PRKG1: variants seen among roughly 807,000 people sequenced by gnomAD.
PRKG1 encodes the protein protein kinase cGMP-dependent 1, also known as cGMP-dependent protein kinase 1.
A neutral mutation model predicts 88.1 loss-of-function variants in PRKG1; 35 were observed. The observed-to-expected ratio is 0.40, with a 90% CI of 0.30 to 0.53. The LOEUF (loss-of-function observed/expected upper bound fraction) is 0.53. Ranked by LOEUF, PRKG1 falls within the 20% of genes least tolerant of loss-of-function variation. The pLI is 0.59. For missense variants in PRKG1, 540 were observed against 839.8 expected (o/e 0.64, Z 4.41); for synonymous variants, 303 against 292.5 (o/e 1.04, Z -0.37).
At chr10:52,072,369 T>G (rs754855336) in intron 7 of PRKG1, among the ~76,000 whole-genome samples, 16 of 152,024 alleles carry the variant, frequency 1.1e-4, no homozygotes, top group Admixed American at 2.0e-4. Context: ...AACAAAAAGA[T>G]GCTGTCCTCT....
intron 9 of PRKG1, among the ~76,000 whole-genome samples, chr10:52,226,026 AT>A (rs71680568): frequency 0.041 from 5,475 of 134,296 alleles, 381 homozygotes; most frequent in East Asian, 0.35. Flanking sequence ...ATGAGGGTTG[AT>A]TTTTTTTTTT....
chr10:51,698,139 T>C, intron 3 of PRKG1: 1 of 1,614,112 alleles, frequency 6.2e-7, no homozygotes, highest in Non-Finnish European at 8.5e-7. Flanking sequence ...CCACCAGTCA[T>C]AGGGCCTCTT....
At chr10:51,899,694 T>TATATATATATATATATATATATAC (rs1165503542) in intron 4 of PRKG1, among the ~76,000 whole-genome samples, 3 of 142,764 alleles carry the variant, frequency 2.1e-5, no homozygotes, top group South Asian at 2.3e-4. Context: ...TATATATATA[T>TATATATATATATATATATATATAC]ACAAATTTCT....
In PRKG1 at chr10:51,644,476, T is replaced by G. The variant is rs545849540; in HGVS notation, c.593-160109T>G. On this transcript the variant is annotated intron_variant, in intron 3 of 17. Transcript: ENST00000373980. ...AGAGAATTTATGGAATTAAATAATT[T>G]TGTATGTTTTAATTCACTTTAGTTC... 2.6e-5 allele frequency among the ~76,000 whole-genome samples: 4 copies of G among 152,316 alleles called. No homozygotes were observed. The East Asian group carries it at 7.7e-4, about 29-fold the overall frequency.
chr10:51,944,110 T>C (rs1196708289), intron 5 of PRKG1, among the ~76,000 whole-genome samples: 1 of 152,082 alleles, frequency 6.6e-6, no homozygotes, highest in Non-Finnish European at 1.5e-5. Context: ...AGTAAGCTAT[T>C]GATTATTGCC....
intron 2 of PRKG1, among the ~76,000 whole-genome samples, chr10:51,217,119 G>C (rs1838393361): frequency 6.6e-6 from 1 of 152,076 alleles, no homozygotes; most frequent in Admixed American, 6.6e-5. Flanking sequence ...GCAATAATTT[G>C]GCTGTGTATA....
chr10:51,089,678 A>G (rs1844351415), intron 1 of PRKG1, among the ~76,000 whole-genome samples: 1 of 152,208 alleles, frequency 6.6e-6, no homozygotes, highest in Non-Finnish European at 1.5e-5. Flanking sequence ...ATGCAACTAT[A>G]GATTTTGCAA....
intron 2 of PRKG1, among the ~76,000 whole-genome samples, chr10:51,250,710 T>C (rs1204279694): frequency 6.6e-6 from 1 of 151,798 alleles, no homozygotes; most frequent in Non-Finnish European, 1.5e-5. Flanking sequence ...CAAAATGGAA[T>C]TGTGCAAGAG....
chr10:51,526,440 C>G lies in PRKG1; in HGVS notation c.592+58604C>G, dbSNP rs112716411. On this transcript the variant is annotated intron_variant, in intron 3 of 17. Coordinates refer to ENST00000373980, the MANE Select transcript of PRKG1 (RefSeq NM_006258.4). Reference sequence around the variant, plus strand: ...TTGCACCAACCTAATATATATGGTTCACATTTGTCGTGGTTCACACTTTAT... The same window carrying G: ...TTGCACCAACCTAATATATATGGTTGACATTTGTCGTGGTTCACACTTTAT... Among the ~76,000 whole-genome samples the G allele has an allele frequency of 3.6e-3, 546 of 152,270 alleles. 4 individuals carry two copies. The highest frequency in any genetic ancestry group is 0.012 in the African/African-American group (514 of 41,562).
chr10:51,795,824 C>T (rs1182203913), intron 3 of PRKG1, among the ~76,000 whole-genome samples: 1 of 152,042 alleles, frequency 6.6e-6, no homozygotes, highest in Non-Finnish European at 1.5e-5. Context: ...TCTTCCTGTG[C>T]CAAGCCCTCA....
rs150858785 is a variant in PRKG1 at position 51,503,761 on chromosome 10, A to G, written c.592+35925A>G. ...TTTGTAGAGTACTTGAAAGAGCTTT[A>G]TTTTTCTTTACAGTGTTCATGGTAA... On this transcript the variant is annotated intron_variant, in intron 3 of 17. Coordinates refer to ENST00000373980, the MANE Select transcript of PRKG1 (RefSeq NM_006258.4). Among the ~76,000 whole-genome samples, 854 of 152,152 alleles carry G rather than the reference A, an allele frequency of 5.6e-3. 7 individuals carry two copies. Among genetic ancestry groups the G allele is most frequent in the African/African-American group, 0.019 (807 of 41,526 alleles).
chr10:51,224,960 C>T (rs1037294375), intron 2 of PRKG1, among the ~76,000 whole-genome samples: 2 of 152,144 alleles, frequency 1.3e-5, no homozygotes, highest in African/African-American at 4.8e-5. Flanking sequence ...CCTGCCCCAA[C>T]TTCCAAAGAG....
At chr10:51,274,523 T>C (rs1243143042) in intron 2 of PRKG1, among the ~76,000 whole-genome samples, 1 of 152,172 alleles carries the variant, frequency 6.6e-6, no homozygotes, top group Non-Finnish European at 1.5e-5. Flanking sequence ...GCCATGAAAT[T>C]GGGATGACAG....
intron 3 of PRKG1, among the ~76,000 whole-genome samples, chr10:51,738,998 A>G (rs896386228): frequency 2.6e-5 from 4 of 152,192 alleles, no homozygotes; most frequent in Non-Finnish European, 5.9e-5. Flanking sequence ...ATAGGGCTCT[A>G]CATTTAGAAG....
chr10:51,770,331 G>C (rs542252077), intron 3 of PRKG1, among the ~76,000 whole-genome samples: 1 of 152,180 alleles, frequency 6.6e-6, no homozygotes, highest in Non-Finnish European at 1.5e-5. Flanking sequence ...TGAAGAAACA[G>C]GTATGTTAAT....
chr10:51,812,800 T>C (rs1464174463), intron 4 of PRKG1, among the ~76,000 whole-genome samples: 2 of 152,150 alleles, frequency 1.3e-5, no homozygotes, highest in Non-Finnish European at 2.9e-5. Flanking sequence ...AGGTACCCAT[T>C]TATTGATCTT....
At chr10:51,673,669 T>G (rs1282104645) in intron 3 of PRKG1, among the ~76,000 whole-genome samples, 1 of 152,228 alleles carries the variant, frequency 6.6e-6, no homozygotes, top group African/African-American at 2.4e-5. Context: ...TCTTATTTAT[T>G]GAATGCATGT....
At chr10:51,852,213 G>GTGTGTATATATATATATATATATATA (rs1554848714) in intron 4 of PRKG1, among the ~76,000 whole-genome samples, 1 of 143,296 alleles carries the variant, frequency 7.0e-6, no homozygotes, top group African/African-American at 2.6e-5. Context: ...TTTTATATGT[G>GTGTGTATATATATATATATATATATA]TATATATATA....
intron 3 of PRKG1, among the ~76,000 whole-genome samples, chr10:51,529,234 G>T (rs994503827): frequency 6.6e-6 from 1 of 151,938 alleles, no homozygotes; most frequent in Non-Finnish European, 1.5e-5. Flanking sequence ...TCACCTCCAT[G>T]ATACCAACCT....
Sources: allele counts gnomAD v4.1 joint callset (sites outside exome capture counted in the v4.1 genomes callset), GRCh38; gene constraint gnomAD v4.1.1; transcripts MANE v1.5; gene names NCBI Gene and HGNC (gene_info 2026-07-23, HGNC 2026-07-21).